HCK: variants seen among roughly 807,000 people sequenced by gnomAD.
HCK encodes the protein tyrosine-protein kinase HCK.
Under a neutral mutation model 70.4 loss-of-function variants are expected in HCK, and 40 were observed. That is an observed-to-expected ratio of 0.57 (90% confidence interval 0.44 to 0.74). HCK has a LOEUF of 0.74. Ranked by LOEUF, HCK falls within the 30% of genes least tolerant of loss-of-function variation. The pLI is 0.00. For missense variants in HCK, 568 were observed against 697.2 expected, an observed-to-expected ratio of 0.81 and a Z score of 2.09; for synonymous variants, 245 against 263.2, an observed-to-expected ratio of 0.93 and a Z score of 0.67.
chr20:32,096,082 G>T (rs2045950798), intron 11 of HCK, among the ~76,000 whole-genome samples: 1 of 151,634 alleles, frequency 6.6e-6, no homozygotes, highest in South Asian at 2.1e-4. Flanking sequence ...TAGAGACAGG[G>T]TTTCACCATG....
chr20:32,095,024 T>C (rs542703853), intron 11 of HCK, among the ~76,000 whole-genome samples: 42 of 152,312 alleles, frequency 2.8e-4, no homozygotes, highest in African/African-American at 7.9e-4. Flanking sequence ...CATGGCAGCA[T>C]TCTTCCTAAT....
intron 1 of HCK, among the ~76,000 whole-genome samples, chr20:32,060,955 C>T (rs145833354): frequency 1.4e-4 from 21 of 151,620 alleles, no homozygotes; most frequent in Admixed American, 3.9e-4. Flanking sequence ...ACTGCCATGC[C>T]GTATTTTTTT....
intron 11 of HCK, among the ~76,000 whole-genome samples, chr20:32,097,990 T>C (rs2045979676): frequency 1.3e-5 from 2 of 152,136 alleles, no homozygotes; most frequent in African/African-American, 2.4e-5. Flanking sequence ...ACAGGCTGGG[T>C]AACATAATAA....
chr20:32,062,032 G>A (rs565526417), intron 1 of HCK, among the ~76,000 whole-genome samples: 2 of 148,548 alleles, frequency 1.3e-5, no homozygotes, highest in East Asian at 2.0e-4. Flanking sequence ...CTCTGACTCT[G>A]GGGTTCAAGC....
chr20:32,074,802 C>G, intron 5 of HCK, 81 bp downstream of exon 5: 1 of 905,688 alleles, frequency 1.1e-6, no homozygotes, highest in South Asian at 1.4e-5. Context: ...TCTGCACACA[C>G]TGTACCACTG....
chr20:32,052,410 T>G lies in HCK; in HGVS notation c.-15T>G. ...TTCCCGGCACTGGCACCCCGGAACC[T>G]CAGGGGCTGCCGAGCTGGGGGGGCG... is the stretch of plus-strand genomic sequence containing the variant. On this transcript the variant is annotated 5_prime_UTR_variant, in exon 1 of 13. Coordinates refer to ENST00000375852, the MANE Select transcript of HCK (RefSeq NM_002110.5). 1 of 1,288,098 alleles carries G rather than the reference T, an allele frequency of 7.8e-7. No homozygotes were observed. Among genetic ancestry groups the G allele is most frequent in the Non-Finnish European group, 9.9e-7 (1 of 1,008,378 alleles). 79.8% of individuals were successfully genotyped at this position (1,288,098 alleles called of 1,614,324 possible). A position where few individuals can be genotyped will look rare whatever the true frequency, so the allele number is the denominator to read the frequency against.
At chr20:32,099,350 C>CTTTTTTTTT (rs71336559) in intron 12 of HCK, among the ~76,000 whole-genome samples, 13 of 85,132 alleles carry the variant, frequency 1.5e-4, no homozygotes, top group African/African-American at 7.8e-4. Context: ...ACTCCTATGA[C>CTTTTTTTTT]TTTTTTTTTT....
intron 8 of HCK, among the ~76,000 whole-genome samples, chr20:32,085,319 C>G (rs1294607415): frequency 6.6e-6 from 1 of 152,104 alleles, no homozygotes; most frequent in Non-Finnish European, 1.5e-5. Flanking sequence ...TCGAGAAAAA[C>G]CTGGATAGTA....
chr20:32,096,904 G>GGT (rs955441283), intron 11 of HCK, among the ~76,000 whole-genome samples: 1 of 150,616 alleles, frequency 6.6e-6, no homozygotes, highest in African/African-American at 2.5e-5. Context: ...TGATTACAAG[G>GGT]GTATATATAT....
At chr20:32,064,571 C>T (rs1025607707) in intron 1 of HCK, among the ~76,000 whole-genome samples, 1 of 152,208 alleles carries the variant, frequency 6.6e-6, no homozygotes, top group East Asian at 1.9e-4. Context: ...TGAGACTTGC[C>T]TAACATCACA....
At chr20:32,073,627 C>A in intron 3 of HCK, 89 bp from the exon 4 acceptor site, 2 of 833,840 alleles carry the variant, frequency 2.4e-6, no homozygotes, top group Non-Finnish European at 4.0e-6. Flanking sequence ...TCGATGGGTG[C>A]GGAGCTGTTC....
chr20:32,076,652 G>A (rs1343391525), intron 5 of HCK, among the ~76,000 whole-genome samples: 5 of 152,228 alleles, frequency 3.3e-5, no homozygotes, highest in African/African-American at 2.4e-5. Context: ...AGCAGCAACA[G>A]CATCACCTGG....
At chr20:32,058,750 C>A (rs918853375) in intron 1 of HCK, among the ~76,000 whole-genome samples, 1 of 152,062 alleles carries the variant, frequency 6.6e-6, no homozygotes, top group Admixed American at 6.6e-5. Context: ...TCCAGAGACC[C>A]TCCTAGGGGA....
At chr20:32,053,934 TGGCACAGAGAAA>T (rs1182972943) in intron 1 of HCK, among the ~76,000 whole-genome samples, 1 of 151,996 alleles carries the variant, frequency 6.6e-6, no homozygotes, top group Non-Finnish European at 1.5e-5. Context: ...AGCCTATGCC[TGGCACAGAGAAA>T]GGCCTCAATG....
chr20:32,054,294 A>G (rs2045230518), intron 1 of HCK: 1 of 456,012 alleles, frequency 2.2e-6, no homozygotes, highest in African/African-American at 2.0e-5. Flanking sequence ...ACGCATAAAC[A>G]ACACGTAGGA....
chr20:32,089,776 TGG>T (rs2045839839), intron 10 of HCK, among the ~76,000 whole-genome samples: 1 of 152,238 alleles, frequency 6.6e-6, no homozygotes, highest in Non-Finnish European at 1.5e-5. Context: ...GCATTTAGCC[TGG>T]TCCAGGAGCA....
At chr20:32,094,198 T>C (rs534934370) in intron 11 of HCK, among the ~76,000 whole-genome samples, 182 bp downstream of exon 11, 6 of 152,120 alleles carry the variant, frequency 3.9e-5, no homozygotes, top group Non-Finnish European at 8.8e-5. Context: ...CTCAGAGATT[T>C]TGAGGAGATT....
chr20:32,073,223 G>A (rs912038674), intron 2 of HCK, 96 bp from the exon 3 acceptor site: 4 of 1,015,262 alleles, frequency 3.9e-6, no homozygotes, highest in Non-Finnish European at 6.1e-6. Context: ...GCAGGGCTAG[G>A]GTAAGATGCT....
In HCK at chr20:32,084,468, G is replaced by A; in HGVS notation, c.760G>A (p.Ala254Thr). ...GCCCCAGAAGCCTTGGGAGAAAGAT[G>A]CCTGGGAGATCCCTCGGGAATCCCT... The change falls in exon 8 of 13, where the codon GCC becomes ACC. Residue 254 changes from alanine (A) to threonine (T), a missense_variant. By Grantham distance (58) the Ala-to-Thr change is moderately conservative. Coordinates refer to ENST00000375852, the MANE Select transcript of HCK (RefSeq NM_002110.5). 6.2e-7 allele frequency: 1 copy of A among 1,614,152 alleles called. No homozygotes were observed. Among genetic ancestry groups the A allele is most frequent in the Non-Finnish European group, 8.5e-7 (1 of 1,180,010 alleles).
Sources: allele counts gnomAD v4.1 joint callset (sites outside exome capture counted in the v4.1 genomes callset), GRCh38; gene constraint gnomAD v4.1.1; transcripts MANE v1.5; gene names NCBI Gene and HGNC (gene_info 2026-07-23, HGNC 2026-07-21).